The following SRCAP variants were observed in gnomAD, a reference collection of about 807,000 sequenced individuals.
The protein encoded by SRCAP is Snf2 related CREBBP activator protein.
SRCAP carries 46 observed loss-of-function variants against 263.1 expected under a neutral mutation model. That is an observed-to-expected ratio of 0.17 (90% CI 0.14 to 0.22). The LOEUF (loss-of-function observed/expected upper bound fraction) is 0.22, where lower values mean the gene tolerates loss of function less well. Ranked by LOEUF, SRCAP falls within the 10% of genes least tolerant of loss-of-function variation. The probability of loss-of-function intolerance (pLI) is 1.00; values close to 1 mark genes in which losing one functional copy is unlikely to be tolerated. For synonymous variants in SRCAP, 1,813 were observed against 1,662.1 expected (o/e 1.09, Z -2.21); for missense variants, 3,695 against 4,181.9 (o/e 0.88, Z 3.21).
rs540353377 is a variant in SRCAP, at chr16:30,709,963, G to T, written c.969G>T (p.Leu323=). 1.6e-5 allele frequency: 26 copies of T among 1,614,114 alleles called. No individual in the cohort carries two copies. The South Asian group carries it at 2.9e-4, about 18-fold the overall frequency. The change falls in exon 8 of 34, where the codon CTG becomes CTT. Residue 323 remains leucine, a synonymous_variant. Coordinates refer to ENST00000262518, the MANE Select transcript of SRCAP (RefSeq NM_006662.3). ...DAEAQRREIE[L]LRREGELPLE... ...AGGCCCAGAGGCGTGAGATTGAGCT[G>T]CTTCGCCGTGAGGGAGAATTGCCAC... is the stretch of plus-strand genomic sequence containing the variant.
At chr16:30,720,404 G>A in intron 19 of SRCAP, 73 bp downstream of exon 19, 10 of 1,517,436 alleles carry the variant, frequency 6.6e-6, no homozygotes, top group Middle Eastern at 2.3e-4. Context: ...GGCCTGGGGT[G>A]GGAAGAAAAG....
At chr16:30,715,340 C>T (rs935019517) in intron 16 of SRCAP, among the ~76,000 whole-genome samples, 1 of 151,086 alleles carries the variant, frequency 6.6e-6, no homozygotes, top group Admixed American at 6.6e-5. Flanking sequence ...CTGAGGCAGG[C>T]GGATCACGAG....
Position 30,738,028 on chromosome 16 carries a change from C to G in SRCAP, c.7988C>G (p.Pro2663Arg). The change falls in exon 34 of 34, where the codon CCA becomes CGA. Residue 2663 changes from proline to arginine, a missense_variant. Coordinates refer to ENST00000262518, the MANE Select transcript of SRCAP (RefSeq NM_006662.3). ...CCACCCTCAGCAGCATCTGATGAGC[C>G]ACTTCAGGAGCCACTGGAGGCTGAC... ...ELPPSAASDE[P>R]LQEPLEADRT... 6.2e-7 allele frequency: 1 copy of G among 1,614,132 alleles called. No homozygotes were observed. Among genetic ancestry groups the G allele is most frequent in the Non-Finnish European group, 8.5e-7 (1 of 1,180,030 alleles).
rs927715288 is a variant in SRCAP, at chr16:30,736,688, T to C, written c.7008+64T>C. On this transcript the variant is annotated intron_variant, in intron 33 of 33. Transcript: ENST00000262518. ...GCTAATTTCTTTTTCTTTTCTCTTT[T>C]TTTTGAGACAGTCTCGCTCTGTCGC... 1.2e-5 allele frequency: 19 copies of C among 1,556,770 alleles called. No individual in the cohort carries two copies. The African/African-American group carries it at 2.2e-4, about 18-fold the overall frequency.
At chr16:30,726,365 C>G (rs1020160626) in intron 25 of SRCAP, 2 of 152,140 alleles carry the variant, frequency 1.3e-5, no homozygotes, top group African/African-American at 2.4e-5. Context: ...TTCTCAGTTT[C>G]TGTTAGATAC....
Position 30,729,092 on chromosome 16 carries a change from C to T in SRCAP, c.5785C>T (p.Pro1929Ser). Residue 1929 changes from proline (P) to serine (S), a missense_variant, in exon 26 of 34, where the codon CCC becomes TCC. Physicochemically the swap from Pro to Ser is moderately conservative, Grantham distance 74. This residue lies in a region of SRCAP where 1,347 missense variants were observed against 1,304.4 expected (regional missense o/e 1.03). Coordinates refer to ENST00000262518, the MANE Select transcript of SRCAP (RefSeq NM_006662.3). The part of the protein sequence containing the change: ...GTEVLDFCTL[P>S]QPVASPIGPR... ...TGAAGTCCTGGATTTCTGTACCCTG[C>T]CCCAACCTGTTGCCAGCCCCATCGG... 1 of 1,614,196 alleles carries T rather than the reference C, an allele frequency of 6.2e-7. No homozygotes were observed. The highest frequency in any genetic ancestry group is 8.5e-7 in the Non-Finnish European group (1 of 1,180,040).
chr16:30,739,972 GTC>G lies in SRCAP; in HGVS notation c.*243_*244del. ...GGGCAGTGTTAAGGGTGGCAAGATA[GTC>G]TCTGTCCCCACCCCCTTGTACTTGA... On this transcript the variant is annotated 3_prime_UTR_variant, in exon 34 of 34. Transcript: ENST00000262518. The G allele has an allele frequency of 2.1e-6, 1 of 472,906 alleles. No homozygotes were observed. The highest frequency in any genetic ancestry group is 3.4e-6 in the Non-Finnish European group (1 of 291,900). 29.3% of individuals were successfully genotyped at this position (472,906 alleles called of 1,614,324 possible).
At chr16:30,734,413 T>C in intron 30 of SRCAP, 83 bp from the exon 31 acceptor site, 1 of 1,577,486 alleles carries the variant, frequency 6.3e-7, no homozygotes, top group East Asian at 2.3e-5. Context: ...CCCCTGACAG[T>C]TCCAAGAACC....
intron 3 of SRCAP, among the ~76,000 whole-genome samples, chr16:30,702,564 C>T (rs999648172): frequency 8.1e-6 from 1 of 124,088 alleles, no homozygotes; most frequent in Non-Finnish European, 1.7e-5. Flanking sequence ...CTCCCTCCCT[C>T]CCTTCCCTCC....
chr16:30,702,146 G>T (rs1241399149), intron 3 of SRCAP, among the ~76,000 whole-genome samples: 1 of 151,602 alleles, frequency 6.6e-6, no homozygotes, highest in Non-Finnish European at 1.5e-5. Flanking sequence ...TAGAGATGGG[G>T]TTTCACCATG....
At position 30,716,288 on chromosome 16, in the gene SRCAP, C is replaced by A; in HGVS notation, c.2631-5C>A. ...ACGTCTCATTTATTTTTCCTCTTTC[C>A]CCAGAACTAAGGAGACACTAGCCAC... On this transcript the variant is annotated splice_polypyrimidine_tract_variant and splice_region_variant and intron_variant, in intron 17 of 33. Coordinates refer to ENST00000262518, the MANE Select transcript of SRCAP (RefSeq NM_006662.3). The A allele has an allele frequency of 6.2e-7, 1 of 1,613,792 alleles. No homozygotes were observed. Among genetic ancestry groups the A allele is most frequent in the South Asian group, 1.1e-5 (1 of 91,068 alleles).
In SRCAP at chr16:30,737,819, G is replaced by T; in HGVS notation, c.7779G>T (p.Leu2593=). 6.2e-7 allele frequency: 1 copy of T among 1,614,152 alleles called. No homozygotes were observed. Among genetic ancestry groups the T allele is most frequent in the Non-Finnish European group, 8.5e-7 (1 of 1,180,044 alleles). Reference sequence around the variant, plus strand: ...TGTTGCCAGTTGCTGTGGAGATCCTGCCTGTGTCAGAGAAGAACCTTTCTC... The same window carrying T: ...TGTTGCCAGTTGCTGTGGAGATCCTTCCTGTGTCAGAGAAGAACCTTTCTC... ...KDLLPVAVEI[L]PVSEKNLSLT... is the part of the protein sequence containing the mutation. Residue 2593 remains leucine (L), a synonymous_variant, in exon 34 of 34, where the codon CTG becomes CTT. Transcript: ENST00000262518.
At chr16:30,735,629 A>T in intron 31 of SRCAP, among the ~76,000 whole-genome samples, 1 of 110,654 alleles carries the variant, frequency 9.0e-6, no homozygotes, top group South Asian at 3.1e-4. Context: ...CGCCCAGGCT[A>T]GAGTGCAGTG....
Position 30,710,748 on chromosome 16 carries a change from A to T in SRCAP, c.1135-6A>T. ...ACCCTTCCCTTTTTTATCTTTTGCC[A>T]TACAGATAAAGCCCCCACCCTCTGC... On this transcript the variant is annotated splice_polypyrimidine_tract_variant and splice_region_variant and intron_variant, in intron 8 of 33. Transcript: ENST00000262518. 1 of 1,614,060 alleles carries T rather than the reference A, an allele frequency of 6.2e-7. No homozygotes were observed. Among genetic ancestry groups the T allele is most frequent in the Non-Finnish European group, 8.5e-7 (1 of 1,179,928 alleles).
In SRCAP at chr16:30,733,309, C is replaced by G. The variant is rs371915992; in HGVS notation, c.6157C>G (p.Arg2053Gly). The G allele has an allele frequency of 1.2e-6, 2 of 1,614,064 alleles. No homozygotes were observed. Among genetic ancestry groups the G allele is most frequent in the South Asian group, 1.1e-5 (1 of 91,088 alleles). Residue 2053 changes from arginine (R) to glycine (G), a missense_variant, in exon 28 of 34, where the codon CGG becomes GGG. This residue lies in a region of SRCAP where 138 missense variants were observed against 254.9 expected (regional missense o/e 0.54). Transcript: ENST00000262518. This position sits in a 1 kb window ranked among gnomAD's most constrained non-coding sequence, Gnocchi z 5.3. ...GKLQTLAVLL[R>G]QLKAEGHRVL... is the part of the protein sequence containing the mutation. ...GTTGCAGACGTTGGCAGTGCTGTTG[C>G]GGCAGCTCAAGGCAGAGGGCCACCG...
chr16:30,702,018 A>C, intron 3 of SRCAP, among the ~76,000 whole-genome samples: 1 of 146,936 alleles, frequency 6.8e-6, no homozygotes, highest in East Asian at 2.0e-4. Flanking sequence ...CAGTGGTGTG[A>C]TCTTGGCTCA....
chr16:30,717,820 G>C (rs2052967918), intron 18 of SRCAP, among the ~76,000 whole-genome samples: 1 of 151,572 alleles, frequency 6.6e-6, no homozygotes, highest in African/African-American at 2.4e-5. Context: ...TGTTTGCCAG[G>C]ATGGTCTTCA....
Position 30,700,821 on chromosome 16 carries a change from G to A in SRCAP, c.-4G>A. 6.2e-7 allele frequency: 1 copy of A among 1,614,036 alleles called. No homozygotes were observed. Among genetic ancestry groups the A allele is most frequent in the Non-Finnish European group, 8.5e-7 (1 of 1,179,932 alleles). On this transcript the variant is annotated 5_prime_UTR_variant, in exon 3 of 34. Transcript: ENST00000262518. ...CATCCAAGGGGGAGCCTGGGAGTGG[G>A]ACCATGCAGAGCAGCCCCTCCCCTG...
In SRCAP at chr16:30,716,490, T is replaced by C; in HGVS notation, c.2817+11T>C. ...GTCCATCCCCTCCAGGTAAGTATGA[T>C]TCCATTAATATGAAATGTAAAGGTT... On this transcript the variant is annotated intron_variant, in intron 18 of 33. Coordinates refer to ENST00000262518, the MANE Select transcript of SRCAP (RefSeq NM_006662.3). The C allele has an allele frequency of 6.2e-7, 1 of 1,600,244 alleles. No individual in the cohort carries two copies. The highest frequency in any genetic ancestry group is 8.5e-7 in the Non-Finnish European group (1 of 1,173,022).
Sources: gnomAD v4.1 joint callset for allele counts (sites outside exome capture counted in the v4.1 genomes callset) on GRCh38, gnomAD v4.1.1 for gene constraint, gnomAD v4.1.1 regional missense constraint, Gnocchi (gnomAD v3.1) non-coding constraint, MANE v1.5 for transcripts, NCBI Gene and HGNC (gene_info 2026-07-23, HGNC 2026-07-21) for gene names.